MNAT1: variants seen among roughly 807,000 people sequenced by gnomAD.
The protein encoded by MNAT1 is CDK-activating kinase assembly factor MAT1.
In MNAT1, 43 loss-of-function variants were observed where a neutral mutation model predicts 42.0. The ratio of observed to expected loss-of-function variants is 1.02; its 90% CI spans 0.80 to 1.32. The LOEUF (loss-of-function observed/expected upper bound fraction) is 1.32, where lower values mean the gene tolerates loss of function less well. Ranked by LOEUF, MNAT1 falls within the 40% of genes most tolerant of loss-of-function variation. The pLI is 0.00. For synonymous variants in MNAT1, 118 were observed against 120.0 expected (o/e 0.98, Z 0.11); for missense variants, 306 against 350.4 (o/e 0.87, Z 1.01).
At chr14:60,822,941 G>A (rs1353496774) in intron 6 of MNAT1, among the ~76,000 whole-genome samples, 1 of 152,054 alleles carries the variant, frequency 6.6e-6, no homozygotes, top group East Asian at 1.9e-4. Context: ...AATTTTGGTA[G>A]CAATGGGGTT....
At chr14:60,781,726 G>A (rs184053068) in intron 1 of MNAT1, among the ~76,000 whole-genome samples, 54 of 152,108 alleles carry the variant, frequency 3.6e-4, no homozygotes, top group African/African-American at 1.2e-3. Context: ...AAAGTTTAAA[G>A]TTTTCTCTTT....
intron 6 of MNAT1, among the ~76,000 whole-genome samples, chr14:60,841,739 A>T (rs1362745775): frequency 6.6e-6 from 1 of 152,188 alleles, no homozygotes; most frequent in African/African-American, 2.4e-5. Flanking sequence ...CAGTTAAGTT[A>T]GCTATAATCT....
At chr14:60,742,709 T>C (rs1896510054) in intron 1 of MNAT1, among the ~76,000 whole-genome samples, 1 of 152,222 alleles carries the variant, frequency 6.6e-6, no homozygotes, top group Non-Finnish European at 1.5e-5. Flanking sequence ...ACTATGTAGA[T>C]TTTCCTATTC....
chr14:60,777,957 G>A (rs2031311208), intron 1 of MNAT1, among the ~76,000 whole-genome samples: 1 of 152,204 alleles, frequency 6.6e-6, no homozygotes, highest in Non-Finnish European at 1.5e-5. Flanking sequence ...GCAAACCAGA[G>A]CAGTCTGAGA....
chr14:60,848,793 A>G (rs2033746038), intron 6 of MNAT1, among the ~76,000 whole-genome samples: 1 of 152,188 alleles, frequency 6.6e-6, no homozygotes, highest in Admixed American at 6.5e-5. Context: ...TATAATCTTA[A>G]TAAGATGTTT....
intron 7 of MNAT1, among the ~76,000 whole-genome samples, chr14:60,912,634 A>G (rs2035398678): frequency 1.3e-5 from 2 of 152,326 alleles, no homozygotes; most frequent in South Asian, 2.1e-4. Context: ...TTCTTTAAGA[A>G]TGTTGAATAT....
At chr14:60,843,948 T>C (rs554149989) in intron 6 of MNAT1, among the ~76,000 whole-genome samples, 57 of 152,298 alleles carry the variant, frequency 3.7e-4, no homozygotes, top group African/African-American at 1.3e-3. Flanking sequence ...ATCCATCTTG[T>C]ATTAATTTTT....
At chr14:60,932,059 A>G (rs1299678140) in intron 7 of MNAT1, among the ~76,000 whole-genome samples, 2 of 151,898 alleles carry the variant, frequency 1.3e-5, no homozygotes, top group Non-Finnish European at 2.9e-5. Flanking sequence ...TATTATAAGG[A>G]TGTTAGTTTT....
chr14:60,901,686 G>T (rs1416699860), intron 7 of MNAT1, among the ~76,000 whole-genome samples: 1 of 152,184 alleles, frequency 6.6e-6, no homozygotes, highest in Admixed American at 6.5e-5. Flanking sequence ...TTGAGATTTT[G>T]TTGGAAGAAG....
chr14:60,954,695 G>C (rs1594907962), intron 7 of MNAT1, among the ~76,000 whole-genome samples: 1 of 152,194 alleles, frequency 6.6e-6, no homozygotes, highest in East Asian at 1.9e-4. Flanking sequence ...CAGAGACAAT[G>C]TAACTTTTCC....
chr14:60,736,749 G>C (rs1594708899), intron 1 of MNAT1, among the ~76,000 whole-genome samples: 1 of 152,244 alleles, frequency 6.6e-6, no homozygotes, highest in East Asian at 1.9e-4. Flanking sequence ...CGTTCTTCTT[G>C]TTGGTACAAT....
chr14:60,925,253 T>C (rs2035743921), intron 7 of MNAT1, among the ~76,000 whole-genome samples: 1 of 151,974 alleles, frequency 6.6e-6, no homozygotes, highest in Non-Finnish European at 1.5e-5. Flanking sequence ...GGGTGAAAAA[T>C]AAATTAAATA....
chr14:60,777,134 G>T (rs1199679654), intron 1 of MNAT1, among the ~76,000 whole-genome samples: 1 of 152,176 alleles, frequency 6.6e-6, no homozygotes, highest in Admixed American at 6.5e-5. Flanking sequence ...ACAGGCGTGA[G>T]CCACCATGCC....
intron 7 of MNAT1, among the ~76,000 whole-genome samples, chr14:60,923,276 G>C (rs2035698712): frequency 6.6e-6 from 1 of 152,146 alleles, no homozygotes; most frequent in African/African-American, 2.4e-5. Context: ...GGGCTAGAGT[G>C]AGACCCCAGA....
chr14:60,793,073 C>T (rs2031880371), intron 1 of MNAT1, among the ~76,000 whole-genome samples: 1 of 151,076 alleles, frequency 6.6e-6, no homozygotes, highest in African/African-American at 2.4e-5. Context: ...GACTGGAGTT[C>T]ACTGGTATGA....
intron 1 of MNAT1, among the ~76,000 whole-genome samples, chr14:60,757,854 C>T (rs369034114): frequency 9.9e-5 from 15 of 152,174 alleles, no homozygotes; most frequent in Admixed American, 5.2e-4. Context: ...TTTATGACTT[C>T]CTGTGTACAA....
At chr14:60,829,354 T>G (rs2033152656) in intron 6 of MNAT1, among the ~76,000 whole-genome samples, 1 of 152,224 alleles carries the variant, frequency 6.6e-6, no homozygotes, top group African/African-American at 2.4e-5. Context: ...TTCTTATATA[T>G]TCCTATATTT....
At chr14:60,875,603 A>G (rs1007318974) in intron 6 of MNAT1, among the ~76,000 whole-genome samples, 1 of 152,156 alleles carries the variant, frequency 6.6e-6, no homozygotes, top group Non-Finnish European at 1.5e-5. Flanking sequence ...TGAGATATAC[A>G]TACAAAACCC....
chr14:60,948,928 G>A (rs182695238), intron 7 of MNAT1, among the ~76,000 whole-genome samples: 11 of 151,574 alleles, frequency 7.3e-5, no homozygotes, highest in Non-Finnish European at 1.6e-4. Flanking sequence ...AGCAAGATAA[G>A]ATGATTTCAA....
Sources: allele counts gnomAD v4.1 joint callset (sites outside exome capture counted in the v4.1 genomes callset), GRCh38; gene constraint gnomAD v4.1.1; transcripts MANE v1.5; gene names NCBI Gene and HGNC (gene_info 2026-07-23, HGNC 2026-07-21).